AGAP1: variants seen among roughly 807,000 people sequenced by gnomAD.
AGAP1 encodes arf-GAP with GTPase, ANK repeat and PH domain-containing protein 1.
Under a neutral mutation model 105.3 loss-of-function variants are expected in AGAP1, and 29 were observed. The observed-to-expected ratio is 0.28, with a 90% confidence interval of 0.21 to 0.38. The LOEUF is 0.38. AGAP1 is among the 10% of genes least tolerant of loss of function. The pLI, the probability that AGAP1 is intolerant of heterozygous loss-of-function variation, is 1.00. For missense variants in AGAP1, 998 were observed against 1,165.1 expected (o/e 0.86, Z 2.09); for synonymous variants, 509 against 485.9 (o/e 1.05, Z -0.63).
chr2:235,584,639 G>A (rs1945043049), intron 1 of AGAP1, among the ~76,000 whole-genome samples: 1 of 151,748 alleles, frequency 6.6e-6, no homozygotes, highest in African/African-American at 2.4e-5. Flanking sequence ...TAAGGAGCAC[G>A]GCCCTGCAGA....
chr2:235,891,952 A>C lies in AGAP1; in HGVS notation c.1155+8503A>C, dbSNP rs1360215927. On this transcript the variant is annotated intron_variant, in intron 10 of 17. Coordinates refer to ENST00000304032, the MANE Select transcript of AGAP1 (RefSeq NM_001037131.3). The surrounding 1 kb of genome is among the most constrained non-coding windows in gnomAD (Gnocchi z 4.2). ...ATGGATCACCTGAGGTCAGGAGTTCAAGACTAGCCTGGCCAATATGGTGAA... is the reference window on the plus strand; with the variant it reads ...ATGGATCACCTGAGGTCAGGAGTTCCAGACTAGCCTGGCCAATATGGTGAA... 6.6e-6 allele frequency among the ~76,000 whole-genome samples: 1 copy of C among 152,138 alleles called. No homozygotes were observed. Among genetic ancestry groups the C allele is most frequent in the Non-Finnish European group, 1.5e-5 (1 of 68,010 alleles).
At position 235,994,064 on chromosome 2, in the gene AGAP1, AC is replaced by A. The variant is rs946527192; in HGVS notation, c.1645+25446del. Among the ~76,000 whole-genome samples the A allele has an allele frequency of 6.6e-6, 1 of 151,810 alleles. No individual in the cohort carries two copies. The highest frequency in any genetic ancestry group is 1.5e-5 in the Non-Finnish European group (1 of 67,952). On this transcript the variant is annotated intron_variant, in intron 13 of 17. Transcript: ENST00000304032. The surrounding 1 kb of genome is among the most constrained non-coding windows in gnomAD (Gnocchi z 4.4). ...TGTAGCACAGACACCTTCCCCTGGG[AC>A]CCCCATTGGCTGTGTGTCCCCCAGC...
At chr2:235,903,279 C>T (rs930759744) in intron 10 of AGAP1, among the ~76,000 whole-genome samples, 3 of 152,024 alleles carry the variant, frequency 2.0e-5, no homozygotes, top group Non-Finnish European at 4.4e-5. Flanking sequence ...AGTCTTAATA[C>T]TTTTTTGAAG....
chr2:235,756,580 G>A (rs1034906867), intron 6 of AGAP1, among the ~76,000 whole-genome samples: 1 of 152,094 alleles, frequency 6.6e-6, no homozygotes, highest in African/African-American at 2.4e-5. Flanking sequence ...TACGTGAGTG[G>A]TCCACAGTGT....
intron 9 of AGAP1, among the ~76,000 whole-genome samples, chr2:235,810,154 C>T (rs143822586): frequency 3.0e-4 from 45 of 152,078 alleles, no homozygotes; most frequent in African/African-American, 9.9e-4. Context: ...AAATATCTTA[C>T]GACTGTATAA....
intron 13 of AGAP1, among the ~76,000 whole-genome samples, chr2:235,996,118 G>A (rs1416477998): frequency 2.0e-5 from 3 of 152,160 alleles, no homozygotes; most frequent in African/African-American, 4.8e-5. Context: ...ACTGAGATAC[G>A]ATAAATCATT....
At chr2:235,974,737 G>A (rs185207011) in intron 13 of AGAP1, among the ~76,000 whole-genome samples, 1 of 152,188 alleles carries the variant, frequency 6.6e-6, no homozygotes, top group Non-Finnish European at 1.5e-5. Flanking sequence ...AGTTGCAGAG[G>A]TCACCCAGGA....
At position 236,085,215 on chromosome 2, in the gene AGAP1, CAAA is replaced by C. The variant is rs144353985; in HGVS notation, c.2115-34954_2115-34952del. On this transcript the variant is annotated intron_variant, in intron 16 of 17. Transcript: ENST00000304032. ...TGGGCGACAGAACGAGACTCCGTCT[CAAA>C]AAAAAAAAAAAAAAAAAAAAAATTT... Among the ~76,000 whole-genome samples, 33 of 58,378 alleles carry C rather than the reference CAAA, an allele frequency of 5.7e-4. No individual in the cohort carries two copies. The South Asian group carries it at 0.011, about 19-fold the overall frequency. 38.3% of individuals were successfully genotyped at this position (58,378 alleles called of 152,430 possible).
At chr2:235,581,688 C>A (rs1247107658) in intron 1 of AGAP1, among the ~76,000 whole-genome samples, 1 of 151,966 alleles carries the variant, frequency 6.6e-6, no homozygotes, top group African/African-American at 2.4e-5. Context: ...TGCCTGTAAT[C>A]CCAGCTACTC....
chr2:236,098,309 G>A (rs1011338755), intron 16 of AGAP1, among the ~76,000 whole-genome samples: 2 of 152,056 alleles, frequency 1.3e-5, no homozygotes, highest in Non-Finnish European at 2.9e-5. Context: ...CAGGTGCAGG[G>A]GCTCACACCT....
intron 1 of AGAP1, among the ~76,000 whole-genome samples, chr2:235,699,475 T>C (rs1950154415): frequency 6.6e-6 from 1 of 152,192 alleles, no homozygotes. Context: ...GTTCTGTGAC[T>C]CCTTTGAATT....
At position 235,621,571 on chromosome 2, in the gene AGAP1, G is replaced by A. The variant is rs1946481265; in HGVS notation, c.164-87608G>A. 6.6e-6 allele frequency among the ~76,000 whole-genome samples: 1 copy of A among 152,160 alleles called. No homozygotes were observed. The highest frequency in any genetic ancestry group is 2.4e-5 in the African/African-American group (1 of 41,440). On this transcript the variant is annotated intron_variant, in intron 1 of 17. Transcript: ENST00000304032. The surrounding 1 kb of genome is among the most constrained non-coding windows in gnomAD (Gnocchi z 4.1). ...GCCGGCTTCTCTGGGCACTGGCTGG[G>A]CTGACCCCAATGGCCCCTGCCCATC...
At chr2:235,886,900 G>A (rs1314650591) in intron 10 of AGAP1, among the ~76,000 whole-genome samples, 4 of 152,062 alleles carry the variant, frequency 2.6e-5, no homozygotes, top group African/African-American at 9.7e-5. Flanking sequence ...AGTCCGTTCT[G>A]TTGTGACTTG....
chr2:235,677,208 A>G (rs1419017150), intron 1 of AGAP1, among the ~76,000 whole-genome samples: 1 of 152,084 alleles, frequency 6.6e-6, no homozygotes, highest in Non-Finnish European at 1.5e-5. Context: ...TTGTTTTCTT[A>G]CCATCTTTTA....
chr2:235,966,645 G>A lies in AGAP1; in HGVS notation c.1484-1817G>A, dbSNP rs1296007813. ...TTGTGAGTGAGTGACCACCCACAAG[G>A]AGTGCACATGGTTGACACAGTCTCA... is the stretch of plus-strand genomic sequence containing the variant. On this transcript the variant is annotated intron_variant, in intron 12 of 17. Coordinates refer to ENST00000304032, the MANE Select transcript of AGAP1 (RefSeq NM_001037131.3). Among the ~76,000 whole-genome samples, 35 of 152,152 alleles carry A rather than the reference G, an allele frequency of 2.3e-4. 1 individual carries two copies. Among genetic ancestry groups the A allele is most frequent in the Admixed American group, 2.3e-3 (35 of 15,288 alleles).
intron 9 of AGAP1, among the ~76,000 whole-genome samples, chr2:235,859,555 T>TTTA (rs1553652546): frequency 1.1e-4 from 16 of 150,986 alleles, no homozygotes; most frequent in South Asian, 8.4e-4. Context: ...TTTTTTTTTT[T>TTTA]AAAGTTCCTG....
chr2:235,895,845 T>C (rs2050782818), intron 10 of AGAP1, among the ~76,000 whole-genome samples: 1 of 152,180 alleles, frequency 6.6e-6, no homozygotes. Flanking sequence ...CATGCAACAC[T>C]TTTAGGAAGC....
chr2:236,075,851 C>T (rs1469214529), intron 16 of AGAP1, among the ~76,000 whole-genome samples: 1 of 152,180 alleles, frequency 6.6e-6, no homozygotes, highest in Non-Finnish European at 1.5e-5. Context: ...ATAGGTGACT[C>T]AATCTGAAAT....
At chr2:236,086,703 G>A (rs1233319590) in intron 16 of AGAP1, among the ~76,000 whole-genome samples, 3 of 152,080 alleles carry the variant, frequency 2.0e-5, no homozygotes, top group Non-Finnish European at 4.4e-5. Context: ...TAATAGAGCC[G>A]CTTAAATTCT....
Sources: allele counts gnomAD v4.1 joint callset (sites outside exome capture counted in the v4.1 genomes callset), GRCh38; gene constraint gnomAD v4.1.1; non-coding constraint Gnocchi (gnomAD v3.1); transcripts MANE v1.5; gene names NCBI Gene and HGNC (gene_info 2026-07-23, HGNC 2026-07-21).